The following EXT1 variants were observed in gnomAD, a reference collection of about 807,000 sequenced individuals.
EXT1 encodes exostosin-1.
In EXT1, 20 loss-of-function variants were observed where a neutral mutation model predicts 82.5. That is an observed-to-expected ratio of 0.24 (90% CI 0.17 to 0.35). The LOEUF (loss-of-function observed/expected upper bound fraction) is 0.35. Ranked by LOEUF, EXT1 falls within the 10% of genes least tolerant of loss-of-function variation. The pLI is 1.00. For synonymous variants in EXT1, 348 were observed against 350.8 expected (o/e 0.99, Z 0.09); for missense variants, 757 against 936.5 (o/e 0.81, Z 2.50).
At chr8:117,884,265 G>A (rs1813109901) in intron 1 of EXT1, among the ~76,000 whole-genome samples, 1 of 152,196 alleles carries the variant, frequency 6.6e-6, no homozygotes. Context: ...AAACAAGAAA[G>A]AGTCTTCCAT....
chr8:118,075,588 T>C (rs931370249), intron 1 of EXT1, among the ~76,000 whole-genome samples: 2 of 152,204 alleles, frequency 1.3e-5, no homozygotes, highest in Non-Finnish European at 1.5e-5. Context: ...AGTTTATATA[T>C]GGTATGTTAG....
intron 1 of EXT1, among the ~76,000 whole-genome samples, chr8:118,098,635 T>C (rs1394261395): frequency 6.6e-6 from 1 of 151,846 alleles, no homozygotes; most frequent in Non-Finnish European, 1.5e-5. Flanking sequence ...GGCGGGTGCC[T>C]GTAGTCCCAG....
At chr8:117,933,236 A>ATTTTTTTTTTTTTT (rs34159778) in intron 1 of EXT1, among the ~76,000 whole-genome samples, 1 of 133,260 alleles carries the variant, frequency 7.5e-6, no homozygotes, top group Non-Finnish European at 1.6e-5. Context: ...TCTGCTGGGT[A>ATTTTTTTTTTTTTT]TTTTTTTTTT....
intron 1 of EXT1, among the ~76,000 whole-genome samples, chr8:117,927,554 C>T (rs568950176): frequency 1.3e-5 from 2 of 152,068 alleles, no homozygotes; most frequent in South Asian, 4.2e-4. Flanking sequence ...TGAAGGGATT[C>T]AGACTCTCAA....
In EXT1 at chr8:117,830,273, G is replaced by C; in HGVS notation, c.1241C>G (p.Ala414Gly). 6.2e-7 allele frequency: 1 copy of C among 1,613,996 alleles called. No individual in the cohort carries two copies. The highest frequency in any genetic ancestry group is 8.5e-7 in the Non-Finnish European group (1 of 1,179,966). ...AATCTTCTCAACTGAAGAAAAATAA[G>C]CCTCCCACAAGAATTGTGTCTGCTG... ...LRQQTQFLWE[A>G]YFSSVEKIVL... The change falls in exon 4 of 11, where the codon GCT becomes GGT. Residue 414 changes from alanine (A) to glycine (G), a missense_variant. Physicochemically the swap from Ala to Gly is moderately conservative, Grantham distance 60. Transcript: ENST00000378204.
In EXT1 at chr8:117,797,944, C is replaced by T. The variant is rs775207744; in HGVS notation, c.*1768G>A. 2.0e-5 allele frequency: 3 copies of T among 152,238 alleles called. No homozygotes were observed. Among genetic ancestry groups the T allele is most frequent in the African/African-American group, 7.2e-5 (3 of 41,464 alleles). 9.4% of individuals were successfully genotyped at this position (152,238 alleles called of 1,614,324 possible). A position where few individuals can be genotyped will look rare whatever the true frequency, so the allele number is the denominator to read the frequency against. On this transcript the variant is annotated 3_prime_UTR_variant, in exon 11 of 11. Coordinates refer to ENST00000378204, the MANE Select transcript of EXT1 (RefSeq NM_000127.3). ...TTCACTGTCTACGCACCTCTCAAAA[C>T]ACCATCTGGATATGTGGGCTCTACT...
chr8:118,025,992 C>A (rs1283448004), intron 1 of EXT1, among the ~76,000 whole-genome samples: 1 of 152,126 alleles, frequency 6.6e-6, no homozygotes, highest in Non-Finnish European at 1.5e-5. Flanking sequence ...AAGGCTCACG[C>A]AGAAAAGGAC....
At chr8:118,033,538 G>T (rs762268670) in intron 1 of EXT1, among the ~76,000 whole-genome samples, 5 of 152,166 alleles carry the variant, frequency 3.3e-5, no homozygotes, top group Non-Finnish European at 5.9e-5. Context: ...GAGTGCAGTG[G>T]CATGATCATA....
intron 5 of EXT1, among the ~76,000 whole-genome samples, chr8:117,821,174 A>G (rs1811918918): frequency 6.6e-6 from 1 of 152,224 alleles, no homozygotes; most frequent in Admixed American, 6.5e-5. Flanking sequence ...GAATCAGACT[A>G]TATGTGTATT....
chr8:117,906,716 T>C (rs999529403), intron 1 of EXT1, among the ~76,000 whole-genome samples: 16 of 152,114 alleles, frequency 1.1e-4, no homozygotes, highest in Non-Finnish European at 1.6e-4. Flanking sequence ...ACTTGAAAAA[T>C]TCACGAATTA....
intron 1 of EXT1, among the ~76,000 whole-genome samples, chr8:117,880,501 G>A (rs1345679843): frequency 6.6e-6 from 1 of 152,000 alleles, no homozygotes; most frequent in Non-Finnish European, 1.5e-5. Flanking sequence ...TCTTATGAAT[G>A]TTTAAGATCT....
chr8:117,845,848 T>C (rs1241203684), intron 1 of EXT1, among the ~76,000 whole-genome samples: 1 of 152,158 alleles, frequency 6.6e-6, no homozygotes, highest in Non-Finnish European at 1.5e-5. Flanking sequence ...TACTGTGCCT[T>C]ATCTTTACCA....
intron 1 of EXT1, among the ~76,000 whole-genome samples, chr8:117,955,543 T>C (rs1185004822): frequency 1.3e-5 from 2 of 152,172 alleles, no homozygotes; most frequent in African/African-American, 4.8e-5. Flanking sequence ...GTTTTAGCAG[T>C]TGGGTGTCAA....
chr8:117,898,712 A>C (rs547777039), intron 1 of EXT1, among the ~76,000 whole-genome samples: 46 of 152,336 alleles, frequency 3.0e-4, no homozygotes, highest in South Asian at 1.7e-3. Flanking sequence ...TAAGGAAAAA[A>C]AAACAGAAAC....
Position 117,923,061 on chromosome 8 carries a change from G to A in EXT1, c.963-85860C>T, listed in dbSNP as rs1197334299. Among the ~76,000 whole-genome samples, 3 of 152,072 alleles carry A rather than the reference G, an allele frequency of 2.0e-5. No homozygotes were observed. In the East Asian group the frequency reaches 5.9e-4, roughly 30 times the overall value. On this transcript the variant is annotated intron_variant, in intron 1 of 10. Transcript: ENST00000378204. ...TTAAAACTGCCAGGCACGGTGGCTT[G>A]TGCCTGTAATCCCAGCACTTTGGGA...
chr8:117,872,347 T>A (rs1812888356), intron 1 of EXT1, among the ~76,000 whole-genome samples: 1 of 152,092 alleles, frequency 6.6e-6, no homozygotes, highest in African/African-American at 2.4e-5. Flanking sequence ...CCACAGCAGG[T>A]AACATTGTTT....
chr8:117,872,699 AAAAG>A (rs1344373756), intron 1 of EXT1, among the ~76,000 whole-genome samples: 4 of 152,196 alleles, frequency 2.6e-5, no homozygotes, highest in Non-Finnish European at 5.9e-5. Flanking sequence ...CACAAAATGG[AAAAG>A]AAAGAAATGG....
chr8:117,824,644 T>C (rs1811980407), intron 4 of EXT1, among the ~76,000 whole-genome samples: 1 of 152,216 alleles, frequency 6.6e-6, no homozygotes, highest in Non-Finnish European at 1.5e-5. Flanking sequence ...CTCACTCCTG[T>C]GTTCGTTTTC....
At chr8:117,866,962 A>G (rs946264164) in intron 1 of EXT1, among the ~76,000 whole-genome samples, 1 of 152,178 alleles carries the variant, frequency 6.6e-6, no homozygotes, top group African/African-American at 2.4e-5. Flanking sequence ...CTTCTTTTAA[A>G]AAAGAAAGCT....
Sources: gnomAD v4.1 joint callset for allele counts (sites outside exome capture counted in the v4.1 genomes callset) on GRCh38, gnomAD v4.1.1 for gene constraint, MANE v1.5 for transcripts, NCBI Gene and HGNC (gene_info 2026-07-23, HGNC 2026-07-21) for gene names.